The following PDZRN4 variants were observed in gnomAD, a reference collection of about 807,000 sequenced individuals.
The protein encoded by PDZRN4 is PDZ domain-containing RING finger protein 4.
Under a neutral mutation model 99.0 loss-of-function variants are expected in PDZRN4, and 70 were observed. The observed-to-expected ratio is 0.71, with a 90% confidence interval of 0.58 to 0.86. The LOEUF (loss-of-function observed/expected upper bound fraction) is 0.86, where lower values mean the gene tolerates loss of function less well. Ranked by LOEUF, PDZRN4 falls within the 40% of genes least tolerant of loss-of-function variation. PDZRN4 has a pLI of 0.00. For missense variants in PDZRN4, 1,474 were observed against 1,331.2 expected, an observed-to-expected ratio of 1.11 and a Z score of -1.67; for synonymous variants, 551 against 501.6, an observed-to-expected ratio of 1.10 and a Z score of -1.32.
At chr12:41,474,706 G>A (rs1344623648) in intron 3 of PDZRN4, among the ~76,000 whole-genome samples, 1 of 152,124 alleles carries the variant, frequency 6.6e-6, no homozygotes, top group Non-Finnish European at 1.5e-5. Context: ...GGAGGATTAT[G>A]GCTATCATTT....
chr12:41,531,234 A>C (rs1938656088), intron 5 of PDZRN4, among the ~76,000 whole-genome samples: 1 of 152,230 alleles, frequency 6.6e-6, no homozygotes, highest in East Asian at 1.9e-4. Flanking sequence ...TCAGGAGATG[A>C]GGGAGCCAGA....
chr12:41,519,153 T>A (rs1043793696), intron 5 of PDZRN4, among the ~76,000 whole-genome samples: 8 of 152,040 alleles, frequency 5.3e-5, no homozygotes, highest in Non-Finnish European at 1.2e-4. Context: ...TTTTCAAAGT[T>A]GAAGGACATT....
intron 3 of PDZRN4, among the ~76,000 whole-genome samples, chr12:41,312,347 T>A (rs1007776044): frequency 6.6e-6 from 1 of 152,130 alleles, no homozygotes; most frequent in Non-Finnish European, 1.5e-5. Flanking sequence ...GAACTTAGAA[T>A]GTGGCAAACG....
Position 41,555,729 on chromosome 12 carries a change from G to C in PDZRN4, c.1334G>C (p.Gly445Ala). ...VDPNSIAAKDGRIREGDRILQ... is the reference protein window; with the variant it reads ...VDPNSIAAKDARIREGDRILQ... ...CCAAATAGCATTGCTGCCAAAGACG[G>C]CCGGATTCGAGAAGGGGATCGGATT... The change falls in exon 7 of 10, where the codon GGC (glycine) becomes GCC (alanine). Residue 445 changes from glycine (G) to alanine (A), a missense_variant. Transcript: ENST00000402685. 1 of 1,613,982 alleles carries C rather than the reference G, an allele frequency of 6.2e-7. No homozygotes were observed. The highest frequency in any genetic ancestry group is 8.5e-7 in the Non-Finnish European group (1 of 1,179,908).
intron 7 of PDZRN4, among the ~76,000 whole-genome samples, chr12:41,563,181 G>T (rs1939302811): frequency 6.6e-6 from 1 of 152,118 alleles, no homozygotes; most frequent in Admixed American, 6.5e-5. Flanking sequence ...TTGTGGTATT[G>T]CCAGTCCTTC....
intron 3 of PDZRN4, among the ~76,000 whole-genome samples, chr12:41,354,876 C>A (rs1038744842): frequency 1.3e-5 from 2 of 151,942 alleles, no homozygotes; most frequent in Non-Finnish European, 2.9e-5. Flanking sequence ...GAACAAAGGG[C>A]AAGTAATATC....
At chr12:41,219,109 G>T (rs1193089116) in intron 3 of PDZRN4, among the ~76,000 whole-genome samples, 2 of 151,514 alleles carry the variant, frequency 1.3e-5, no homozygotes, top group East Asian at 1.9e-4. Context: ...TTTAGAGAGG[G>T]TACCTTGTGT....
Position 41,260,702 on chromosome 12 carries a change from T to A in PDZRN4, c.843+66514T>A, listed in dbSNP as rs563540022. 1.7e-3 allele frequency among the ~76,000 whole-genome samples: 253 copies of A among 151,902 alleles called. 3 individuals are homozygous for A. Among genetic ancestry groups the A allele is most frequent in the African/African-American group, 5.6e-3 (232 of 41,468 alleles). ...GATGGTCTGTTGTGCCCACTATGAG[T>A]CTAGATAAGGTGATGCTATTATATA... is the stretch of plus-strand genomic sequence containing the variant. On this transcript the variant is annotated intron_variant, in intron 3 of 9. Coordinates refer to ENST00000402685, the MANE Select transcript of PDZRN4 (RefSeq NM_001164595.2).
rs542812071 is a variant in PDZRN4 at position 41,304,719 on chromosome 12, A to G, written c.843+110531A>G. On this transcript the variant is annotated intron_variant, in intron 3 of 9. Transcript: ENST00000402685. ...CCCTTTTTAAGTAAACTCAATGACT[A>G]ATGGATAAGAGATGCAAGCAAACAA... 9.3e-4 allele frequency among the ~76,000 whole-genome samples: 141 copies of G among 152,386 alleles called. 1 individual carries two copies. The highest frequency in any genetic ancestry group is 3.1e-3 in the African/African-American group (130 of 41,600).
At chr12:41,424,352 C>T (rs1029321508) in intron 3 of PDZRN4, among the ~76,000 whole-genome samples, 3 of 152,004 alleles carry the variant, frequency 2.0e-5, no homozygotes, top group African/African-American at 4.8e-5. Flanking sequence ...ATTTGTTCTC[C>T]CTTCATTCCA....
intron 3 of PDZRN4, among the ~76,000 whole-genome samples, chr12:41,310,564 A>G (rs2120949495): frequency 6.6e-6 from 1 of 152,238 alleles, no homozygotes; most frequent in Non-Finnish European, 1.5e-5. Flanking sequence ...TTATAACTAC[A>G]TTGATGGTTC....
At chr12:41,501,346 T>A (rs1211131780) in intron 3 of PDZRN4, among the ~76,000 whole-genome samples, 1 of 152,098 alleles carries the variant, frequency 6.6e-6, no homozygotes, top group Non-Finnish European at 1.5e-5. Context: ...TTTTCTGATA[T>A]CCAAGAAAAT....
rs558659472 is a variant in PDZRN4 at position 41,496,705 on chromosome 12, C to G, written c.844-9751C>G. On this transcript the variant is annotated intron_variant, in intron 3 of 9. Transcript: ENST00000402685. ...TGGGAAGTGAATGTAATGCAGTCTG[C>G]ATTGTGAACACAGGTGATTTTAGTG... Among the ~76,000 whole-genome samples the G allele has an allele frequency of 2.0e-5, 3 of 152,212 alleles. No homozygotes were observed. The East Asian group carries it at 5.8e-4, about 29-fold the overall frequency.
chr12:41,488,945 A>G (rs528192351), intron 3 of PDZRN4, among the ~76,000 whole-genome samples: 1 of 152,226 alleles, frequency 6.6e-6, no homozygotes, highest in South Asian at 2.1e-4. Flanking sequence ...AGTAGATGTG[A>G]TCTCACCCTC....
intron 5 of PDZRN4, among the ~76,000 whole-genome samples, chr12:41,519,719 C>A (rs1938461350): frequency 6.6e-6 from 1 of 152,008 alleles, no homozygotes; most frequent in Admixed American, 6.6e-5. Context: ...CAATTTCATG[C>A]CAGTTTTGTG....
intron 3 of PDZRN4, among the ~76,000 whole-genome samples, chr12:41,301,831 C>A (rs760266558): frequency 6.6e-6 from 1 of 152,008 alleles, no homozygotes; most frequent in Non-Finnish European, 1.5e-5. Flanking sequence ...GATTTGAGAT[C>A]AAACCCTCAT....
At chr12:41,403,505 C>A (rs1156437497) in intron 3 of PDZRN4, among the ~76,000 whole-genome samples, 1 of 152,092 alleles carries the variant, frequency 6.6e-6, no homozygotes, top group East Asian at 1.9e-4. Context: ...CACATATGCC[C>A]CTCACTCCAA....
intron 7 of PDZRN4, among the ~76,000 whole-genome samples, chr12:41,559,703 C>T (rs763798054): frequency 6.6e-6 from 1 of 152,080 alleles, no homozygotes; most frequent in Non-Finnish European, 1.5e-5. Flanking sequence ...CACATAAACT[C>T]GTTGATATGG....
At chr12:41,482,239 T>C (rs538726674) in intron 3 of PDZRN4, among the ~76,000 whole-genome samples, 2 of 152,310 alleles carry the variant, frequency 1.3e-5, no homozygotes, top group East Asian at 1.9e-4. Flanking sequence ...GGTGTTTTCC[T>C]TGTCATCTCT....
Sources: gnomAD v4.1 joint callset for allele counts (sites outside exome capture counted in the v4.1 genomes callset) on GRCh38, gnomAD v4.1.1 for gene constraint, MANE v1.5 for transcripts, NCBI Gene and HGNC (gene_info 2026-07-23, HGNC 2026-07-21) for gene names.